The following LRRC4C variants were observed in gnomAD, a reference collection of about 807,000 sequenced individuals.
The protein encoded by LRRC4C is leucine-rich repeat-containing protein 4C.
In LRRC4C, 5 loss-of-function variants were observed where a neutral mutation model predicts 33.6. That is an observed-to-expected ratio of 0.15 (90% CI 0.08 to 0.31). The LOEUF (loss-of-function observed/expected upper bound fraction) is 0.31. Ranked by LOEUF, LRRC4C falls within the 10% of genes least tolerant of loss-of-function variation. LRRC4C has a pLI of 1.00. For missense variants in LRRC4C, 560 were observed against 796.7 expected (o/e 0.70, Z 3.58); for synonymous variants, 329 against 302.0 (o/e 1.09, Z -0.93).
chr11:40,628,850 A>G (rs973219324), intron 3 of LRRC4C, among the ~76,000 whole-genome samples: 5 of 152,318 alleles, frequency 3.3e-5, no homozygotes, highest in Admixed American at 1.3e-4. Context: ...CTAGTCTGAT[A>G]GAATTGGAGC....
intron 2 of LRRC4C, among the ~76,000 whole-genome samples, chr11:40,705,348 C>T (rs1367340653): frequency 6.6e-6 from 1 of 151,824 alleles, no homozygotes; most frequent in Admixed American, 6.6e-5. Context: ...CAACGCTATC[C>T]CTCCCCCATC....
chr11:40,406,971 A>G (rs1330932776), intron 3 of LRRC4C, among the ~76,000 whole-genome samples: 2 of 152,088 alleles, frequency 1.3e-5, no homozygotes, highest in Non-Finnish European at 2.9e-5. Flanking sequence ...TACATTGTGG[A>G]TGATGGATGT....
chr11:41,353,928 C>G (rs1380477369), intron 1 of LRRC4C, among the ~76,000 whole-genome samples: 3 of 151,668 alleles, frequency 2.0e-5, no homozygotes, highest in Non-Finnish European at 4.4e-5. Context: ...TCATACTGAA[C>G]AGGCAAACCT....
chr11:40,692,571 G>A (rs1315644776), intron 2 of LRRC4C, among the ~76,000 whole-genome samples: 2 of 152,014 alleles, frequency 1.3e-5, no homozygotes, highest in East Asian at 3.9e-4. Context: ...TGGGGTGGAA[G>A]AAAAGCCCTT....
chr11:40,539,973 T>C (rs1213214387), intron 3 of LRRC4C, among the ~76,000 whole-genome samples: 1 of 152,206 alleles, frequency 6.6e-6, no homozygotes, highest in Non-Finnish European at 1.5e-5. Flanking sequence ...AATTGTAATT[T>C]TTTTTGTCAT....
intron 2 of LRRC4C, among the ~76,000 whole-genome samples, chr11:40,648,909 AG>A (rs1258060718): frequency 6.6e-6 from 1 of 152,174 alleles, no homozygotes; most frequent in Non-Finnish European, 1.5e-5. Context: ...ACATATCGGT[AG>A]CACCGTGATG....
intron 2 of LRRC4C, among the ~76,000 whole-genome samples, chr11:40,923,116 C>T (rs1262473293): frequency 6.6e-6 from 1 of 152,148 alleles, no homozygotes; most frequent in Admixed American, 6.5e-5. Flanking sequence ...TGAGCCACTG[C>T]ACCAGCCTGT....
chr11:40,268,072 A>G (rs545572904), intron 4 of LRRC4C, among the ~76,000 whole-genome samples: 5 of 152,314 alleles, frequency 3.3e-5, no homozygotes, highest in African/African-American at 1.2e-4. Context: ...CGAGTTAGGT[A>G]AAGACCCTGT....
At chr11:40,767,957 G>GA (rs942805657) in intron 2 of LRRC4C, among the ~76,000 whole-genome samples, 56 of 150,068 alleles carry the variant, frequency 3.7e-4, no homozygotes, top group Non-Finnish European at 4.9e-4. Context: ...TCTTCTTGTA[G>GA]AAAAAAAAGA....
At chr11:41,158,215 A>T (rs1227813112) in intron 1 of LRRC4C, among the ~76,000 whole-genome samples, 1 of 152,158 alleles carries the variant, frequency 6.6e-6, no homozygotes, top group Non-Finnish European at 1.5e-5. Flanking sequence ...AAGTTGACAC[A>T]GGGAGTAAGC....
chr11:40,465,915 C>G (rs1311855970), intron 3 of LRRC4C, among the ~76,000 whole-genome samples: 2 of 151,968 alleles, frequency 1.3e-5, no homozygotes, highest in African/African-American at 4.8e-5. Flanking sequence ...CCAGCAATTC[C>G]GCTATTGGGT....
At chr11:40,835,097 A>G (rs560388040) in intron 2 of LRRC4C, among the ~76,000 whole-genome samples, 1 of 152,168 alleles carries the variant, frequency 6.6e-6, no homozygotes, top group Non-Finnish European at 1.5e-5. Flanking sequence ...GCATTCATGT[A>G]TAGCTTAAAG....
chr11:40,240,683 A>G (rs1262623203), intron 5 of LRRC4C, among the ~76,000 whole-genome samples: 1 of 152,222 alleles, frequency 6.6e-6, no homozygotes, highest in African/African-American at 2.4e-5. Context: ...GGAGTTTTCA[A>G]CTAACTAAAA....
At chr11:41,426,971 C>T (rs74882911) in intron 1 of LRRC4C, among the ~76,000 whole-genome samples, 3,463 of 152,142 alleles carry the variant, frequency 0.023, 59 homozygotes, top group Non-Finnish European at 0.035. Flanking sequence ...GTTAAAAGTC[C>T]CAGAACATCA....
chr11:41,221,995 C>A (rs1425771423), intron 1 of LRRC4C, among the ~76,000 whole-genome samples: 1 of 152,178 alleles, frequency 6.6e-6, no homozygotes, highest in Non-Finnish European at 1.5e-5. Context: ...AACAACATAT[C>A]TTTGGATGTT....
intron 1 of LRRC4C, among the ~76,000 whole-genome samples, chr11:41,178,000 C>T (rs1945278865): frequency 6.6e-6 from 1 of 152,148 alleles, no homozygotes; most frequent in Non-Finnish European, 1.5e-5. Context: ...TGGTTAAAGC[C>T]TGCATTTCTA....
At chr11:40,730,818 T>A (rs189279582) in intron 2 of LRRC4C, among the ~76,000 whole-genome samples, 1 of 152,356 alleles carries the variant, frequency 6.6e-6, no homozygotes, top group African/African-American at 2.4e-5. Flanking sequence ...TCAACTAAAG[T>A]GAAGCCCACC....
intron 5 of LRRC4C, among the ~76,000 whole-genome samples, chr11:40,205,024 G>A (rs1387996282): frequency 6.6e-6 from 1 of 152,102 alleles, no homozygotes; most frequent in East Asian, 1.9e-4. Context: ...TCTACCCTTG[G>A]GGTCTGTATA....
chr11:41,446,416 C>T (rs1955828960), intron 1 of LRRC4C, among the ~76,000 whole-genome samples: 1 of 152,182 alleles, frequency 6.6e-6, no homozygotes, highest in African/African-American at 2.4e-5. Flanking sequence ...CACCTGCATT[C>T]AGCTAGAGAA....
Sources: allele counts gnomAD v4.1 joint callset (sites outside exome capture counted in the v4.1 genomes callset), GRCh38; gene constraint gnomAD v4.1.1; transcripts MANE v1.5; gene names NCBI Gene and HGNC (gene_info 2026-07-23, HGNC 2026-07-21).